The following BIRC6 variants were observed in gnomAD, a reference collection of about 807,000 sequenced individuals.
BIRC6 encodes baculoviral IAP repeat containing 6, also known as dual E2 ubiquitin-conjugating enzyme/E3 ubiquitin-protein ligase BIRC6.
In BIRC6, 98 loss-of-function variants were observed where a neutral mutation model predicts 503.3. The ratio of observed to expected loss-of-function variants is 0.19; its 90% CI spans 0.17 to 0.23. BIRC6 has a LOEUF of 0.23. Among genes scored for constraint, BIRC6 ranks in the 10% least tolerant of loss-of-function variants. The pLI, the probability that BIRC6 is intolerant of heterozygous loss-of-function variation, is 1.00. For synonymous variants in BIRC6, 2,240 were observed against 2,078.7 expected (o/e 1.08, Z -2.11); for missense variants, 5,360 against 5,806.0 (o/e 0.92, Z 2.50).
rs770861460 is a variant in BIRC6, at chr2:32,513,188, C to A, written c.10568+34C>A. On this transcript the variant is annotated intron_variant, in intron 54 of 73. Coordinates refer to ENST00000421745, the MANE Select transcript of BIRC6 (RefSeq NM_016252.4). ...GATTTGTGAAATCTTTTTTATCCCC[C>A]AGTACTAGATCAGTTAGTGTTCACT... 4 of 1,515,222 alleles carry A rather than the reference C, an allele frequency of 2.6e-6. No homozygotes were observed. In the South Asian group the frequency reaches 4.5e-5, roughly 17 times the overall value. The allele number at this position is 1,515,222 out of a possible 1,614,324, so 93.9% of individuals were successfully genotyped here. A position where few individuals can be genotyped will look rare whatever the true frequency, so the allele number is the denominator to read the frequency against.
chr2:32,483,865 G>C (rs556928585), intron 39 of BIRC6, among the ~76,000 whole-genome samples: 1 of 152,136 alleles, frequency 6.6e-6, no homozygotes, highest in East Asian at 1.9e-4. Context: ...CTCATTATTG[G>C]TGATGTTAAG....
chr2:32,422,292 G>T (rs529546922), intron 10 of BIRC6, among the ~76,000 whole-genome samples: 4 of 152,090 alleles, frequency 2.6e-5, no homozygotes, highest in Non-Finnish European at 5.9e-5. Context: ...TATTGCTATG[G>T]TTGCATTTAT....
At position 32,473,248 on chromosome 2, in the gene BIRC6, C is replaced by A; in HGVS notation, c.6720+9C>A. ...TTGTTCATCATAAACAGGTAATTGT[C>A]AATATATTTAAAAATTTTTAATGTT... On this transcript the variant is annotated intron_variant, in intron 33 of 73. Transcript: ENST00000421745. 3.3e-6 allele frequency: 5 copies of A among 1,515,576 alleles called. No individual in the cohort carries two copies. In the South Asian group the frequency reaches 6.4e-5, roughly 19 times the overall value. The allele number at this position is 1,515,576 out of a possible 1,614,324, so 93.9% of individuals were successfully genotyped here.
intron 65 of BIRC6, among the ~76,000 whole-genome samples, chr2:32,553,332 T>C (rs932242807): frequency 6.6e-6 from 1 of 151,358 alleles, no homozygotes; most frequent in African/African-American, 2.4e-5. Flanking sequence ...CCTCTTTTTG[T>C]AGATCTTAAA....
intron 33 of BIRC6, 121 bp from the exon 34 acceptor site, chr2:32,476,091 AT>A (rs2049732220): frequency 2.8e-6 from 2 of 712,504 alleles, no homozygotes; most frequent in African/African-American, 3.7e-5. Context: ...AGTTAAAATT[AT>A]ACTACATCTT....
At chr2:32,461,121 T>C (rs186553918) in intron 23 of BIRC6, among the ~76,000 whole-genome samples, 1 of 6,766 alleles carries the variant, frequency 1.5e-4, no homozygotes, top group African/African-American at 8.2e-4. Flanking sequence ...TCCTCTCCTC[T>C]CCTCTCCTCC....
intron 65 of BIRC6, among the ~76,000 whole-genome samples, chr2:32,561,426 G>C (rs2059177609): frequency 6.6e-6 from 1 of 151,432 alleles, no homozygotes; most frequent in Admixed American, 6.6e-5. Flanking sequence ...TTTTAGTAGA[G>C]GCTGGGTTTC....
chr2:32,580,470 GTT>G (rs2151143973), intron 66 of BIRC6, among the ~76,000 whole-genome samples: 1 of 152,300 alleles, frequency 6.6e-6, no homozygotes, highest in South Asian at 2.1e-4. Context: ...ACCTTGAAAA[GTT>G]TGGTGTGCCT....
At chr2:32,467,401 T>A in intron 26 of BIRC6, 124 bp from the exon 27 acceptor site, 1 of 771,354 alleles carries the variant, frequency 1.3e-6, no homozygotes, top group Non-Finnish European at 2.1e-6. Context: ...TATTTACTTT[T>A]CCTCTTATTT....
At chr2:32,561,146 C>T (rs532917633) in intron 65 of BIRC6, among the ~76,000 whole-genome samples, 22 of 150,450 alleles carry the variant, frequency 1.5e-4, no homozygotes, top group African/African-American at 5.1e-4. Context: ...TGCAGTGAGC[C>T]GAGACCATGC....
rs749393514 is a variant in BIRC6 at position 32,357,268 on chromosome 2, C to G, written c.107C>G (p.Ala36Gly). Residue 36 changes from alanine to glycine, a missense_variant, in exon 1 of 74, where the codon GCC becomes GGC. By Grantham distance (60) the Ala-to-Gly change is moderately conservative (BLOSUM62 0). Transcript: ENST00000421745. This position sits in a 1 kb window ranked among gnomAD's most constrained non-coding sequence, Gnocchi z 4.9. ...AAGATGGCGGCTGCGGCTGCGGCGG[C>G]CTCGGGCCCCGGCTGCTCCTCGGCG... is the stretch of plus-strand genomic sequence containing the variant. ...GRKMAAAAAA[A>G]SGPGCSSAAG... 6.6e-7 allele frequency: 1 copy of G among 1,521,890 alleles called. No individual in the cohort carries two copies. The highest frequency in any genetic ancestry group is 8.8e-7 in the Non-Finnish European group (1 of 1,138,384). The allele number at this position is 1,521,890 out of a possible 1,614,324, so 94.3% of individuals were successfully genotyped here. A position where few individuals can be genotyped will look rare whatever the true frequency, so the allele number is the denominator to read the frequency against.
intron 72 of BIRC6, among the ~76,000 whole-genome samples, chr2:32,608,495 A>G (rs932863542): frequency 6.6e-6 from 1 of 151,446 alleles, no homozygotes; most frequent in Non-Finnish European, 1.5e-5. Flanking sequence ...GCTCACTGCA[A>G]CCTCCACCTC....
intron 50 of BIRC6, among the ~76,000 whole-genome samples, chr2:32,506,977 A>G (rs995778724): frequency 1.3e-5 from 2 of 152,322 alleles, no homozygotes; most frequent in African/African-American, 4.8e-5. Context: ...CACTGAAATT[A>G]AAAATAAAAC....
At chr2:32,521,513 C>G (rs960219134) in intron 57 of BIRC6, among the ~76,000 whole-genome samples, 1 of 151,696 alleles carries the variant, frequency 6.6e-6, no homozygotes, top group African/African-American at 2.4e-5. Context: ...ACTCTGTCCC[C>G]CAGGCTGTGC....
intron 3 of BIRC6, among the ~76,000 whole-genome samples, chr2:32,384,304 T>C (rs532141692): frequency 1.3e-5 from 2 of 152,304 alleles, no homozygotes; most frequent in African/African-American, 4.8e-5. Flanking sequence ...AAAATGAGTC[T>C]TTAGTAGGCC....
rs556841790 is a variant in BIRC6 at position 32,407,484 on chromosome 2, G to A, written c.1477+927G>A. On this transcript the variant is annotated intron_variant, in intron 9 of 73. Transcript: ENST00000421745. The stretch of plus-strand genomic sequence containing the variant: ...AAAAAAAAAGATTTAGATAAGATAA[G>A]TTCATATAAAGTGTAGTGCCTGGGA... Among the ~76,000 whole-genome samples the A allele has an allele frequency of 3.4e-5, 5 of 148,976 alleles. No individual in the cohort carries two copies. The South Asian group carries it at 8.6e-4, about 26-fold the overall frequency.
intron 21 of BIRC6, among the ~76,000 whole-genome samples, chr2:32,447,629 A>T (rs1440679120): frequency 9.0e-6 from 1 of 110,706 alleles, no homozygotes; most frequent in Non-Finnish European, 1.9e-5. Flanking sequence ...TCCCTCCCGG[A>T]CGGCGCGGCT....
At chr2:32,573,927 C>T (rs750355259) in intron 65 of BIRC6, among the ~76,000 whole-genome samples, 70 of 152,172 alleles carry the variant, frequency 4.6e-4, no homozygotes, top group Admixed American at 3.5e-3. Flanking sequence ...TTAATCATTT[C>T]TATATGTAAT....
chr2:32,484,700 A>T (rs1360821005), intron 39 of BIRC6, among the ~76,000 whole-genome samples: 1 of 151,878 alleles, frequency 6.6e-6, no homozygotes. Context: ...ATAACATAAA[A>T]TTTTTCTTTT....
Sources: allele counts gnomAD v4.1 joint callset (sites outside exome capture counted in the v4.1 genomes callset), GRCh38; gene constraint gnomAD v4.1.1; non-coding constraint Gnocchi (gnomAD v3.1); transcripts MANE v1.5; gene names NCBI Gene and HGNC (gene_info 2026-07-23, HGNC 2026-07-21).